Variants in SMOC2 observed in about 807,000 individuals in gnomAD.
SMOC2 encodes SPARC-related modular calcium-binding protein 2.
Under a neutral mutation model 61.4 loss-of-function variants are expected in SMOC2, and 39 were observed. The ratio of observed to expected loss-of-function variants is 0.64; its 90% CI spans 0.49 to 0.83. The LOEUF is 0.83. SMOC2 is among the 40% of genes least tolerant of loss of function. The pLI, the probability that SMOC2 is intolerant of heterozygous loss-of-function variation, is 0.00. For missense variants in SMOC2, 556 were observed against 592.9 expected, an observed-to-expected ratio of 0.94 and a Z score of 0.65; for synonymous variants, 247 against 239.9, an observed-to-expected ratio of 1.03 and a Z score of -0.27.
intron 4 of SMOC2, among the ~76,000 whole-genome samples, chr6:168,539,582 G>A (rs998038713): frequency 3.3e-5 from 5 of 152,204 alleles, no homozygotes; most frequent in Non-Finnish European, 5.9e-5. Flanking sequence ...CTTCCACACC[G>A]GCTCTAGCAG....
chr6:168,497,473 C>T (rs913975258), intron 1 of SMOC2, among the ~76,000 whole-genome samples: 3 of 151,486 alleles, frequency 2.0e-5, no homozygotes, highest in African/African-American at 7.2e-5. Context: ...GTGGTGAATG[C>T]GGATGGAGGT....
chr6:168,559,767 G>T (rs1784353117), intron 7 of SMOC2, among the ~76,000 whole-genome samples: 1 of 152,058 alleles, frequency 6.6e-6, no homozygotes, highest in Admixed American at 6.6e-5. Context: ...TTTATCTCGG[G>T]TGACTAGTAA....
chr6:168,662,376 G>A (rs1436039845), intron 11 of SMOC2, among the ~76,000 whole-genome samples: 1 of 152,224 alleles, frequency 6.6e-6, no homozygotes, highest in Non-Finnish European at 1.5e-5. Flanking sequence ...CAAGGTGCGA[G>A]TGAGTGGAGA....
chr6:168,579,082 G>C (rs1784869482), intron 7 of SMOC2, among the ~76,000 whole-genome samples: 1 of 152,178 alleles, frequency 6.6e-6, no homozygotes, highest in Non-Finnish European at 1.5e-5. Flanking sequence ...GGGGAAACAG[G>C]CTTTAAAAGG....
chr6:168,509,769 G>C (rs1287356154), intron 1 of SMOC2, 146 bp from the exon 2 acceptor site: 3 of 634,190 alleles, frequency 4.7e-6, no homozygotes, highest in African/African-American at 1.8e-5. Context: ...TGCACGTGGC[G>C]CTTCTGGCAG....
chr6:168,647,730 A>C (rs1787076540), intron 9 of SMOC2, among the ~76,000 whole-genome samples: 1 of 152,130 alleles, frequency 6.6e-6, no homozygotes, highest in Admixed American at 6.5e-5. Context: ...ACTTTAACAT[A>C]ATGAAAGTTA....
intron 7 of SMOC2, among the ~76,000 whole-genome samples, chr6:168,567,268 T>A (rs1784567300): frequency 6.6e-6 from 1 of 152,254 alleles, no homozygotes; most frequent in Admixed American, 6.5e-5. Context: ...TTTTTAAATG[T>A]TAAGCATTTT....
intron 11 of SMOC2, among the ~76,000 whole-genome samples, chr6:168,659,539 T>C (rs1787424950): frequency 2.0e-5 from 3 of 151,430 alleles, no homozygotes; most frequent in East Asian, 1.9e-4. Flanking sequence ...AGGATGGAGG[T>C]TGTTGGCTGG....
chr6:168,544,250 C>T lies in SMOC2; in HGVS notation c.511+578C>T, dbSNP rs73041947. On this transcript the variant is annotated intron_variant, in intron 5 of 12. Transcript: ENST00000356284. This position sits in a 1 kb window ranked among gnomAD's most constrained non-coding sequence, Gnocchi z 4.1. Reference sequence around the variant, plus strand: ...TCCATCCTCTTCTCTGCCCTTGCCTCGGCCAACACCCTTCAGTACCAGGAC... The same window carrying T: ...TCCATCCTCTTCTCTGCCCTTGCCTTGGCCAACACCCTTCAGTACCAGGAC... 4.7e-3 allele frequency among the ~76,000 whole-genome samples: 721 copies of T among 152,304 alleles called. 4 individuals are homozygous for T. The highest frequency in any genetic ancestry group is 0.017 in the Middle Eastern group (5 of 294).
intron 1 of SMOC2, among the ~76,000 whole-genome samples, chr6:168,471,964 A>T (rs535938885): frequency 6.6e-6 from 1 of 152,178 alleles, no homozygotes; most frequent in Admixed American, 6.5e-5. Flanking sequence ...TTTCAGATAC[A>T]TGATTTGCAA....
intron 11 of SMOC2, among the ~76,000 whole-genome samples, chr6:168,662,415 G>A (rs915966942): frequency 3.3e-5 from 5 of 152,290 alleles, no homozygotes; most frequent in South Asian, 2.1e-4. Flanking sequence ...ACCAAGGGCC[G>A]TCGGGTGGAG....
At chr6:168,616,891 C>CG (rs972248648) in intron 9 of SMOC2, among the ~76,000 whole-genome samples, 3 of 152,208 alleles carry the variant, frequency 2.0e-5, no homozygotes, top group Non-Finnish European at 2.9e-5. Context: ...CGCTGCACTG[C>CG]GGGGGGGTTG....
At chr6:168,647,048 T>G (rs905603079) in intron 9 of SMOC2, among the ~76,000 whole-genome samples, 1 of 152,222 alleles carries the variant, frequency 6.6e-6, no homozygotes, top group African/African-American at 2.4e-5. Flanking sequence ...GTGTGGACTT[T>G]GAGAGGGCCT....
At chr6:168,449,698 G>A (rs1781416971) in intron 1 of SMOC2, among the ~76,000 whole-genome samples, 2 of 152,138 alleles carry the variant, frequency 1.3e-5, no homozygotes, top group African/African-American at 4.8e-5. Context: ...CCATTCTTTG[G>A]CATTAAGATT....
In SMOC2 at chr6:168,515,434, C is replaced by T. The variant is rs1231240977; in HGVS notation, c.256+5348C>T. ...GTCTAGATTTGGATGTGGGGCTGGGCTCGGAGAGGCTCCGTCCGCTTTCCG... is the reference window on the plus strand; with the variant it reads ...GTCTAGATTTGGATGTGGGGCTGGGTTCGGAGAGGCTCCGTCCGCTTTCCG... On this transcript the variant is annotated intron_variant, in intron 2 of 12. Coordinates refer to ENST00000356284, the MANE Select transcript of SMOC2 (RefSeq NM_001166412.2). 1.7e-5 allele frequency among the ~76,000 whole-genome samples: 2 copies of T among 116,252 alleles called. 1 individual carries two copies. 76.3% of individuals were successfully genotyped at this position (116,252 alleles called of 152,430 possible).
intron 9 of SMOC2, among the ~76,000 whole-genome samples, chr6:168,641,523 A>T (rs1471764671): frequency 4.6e-5 from 7 of 152,240 alleles, no homozygotes; most frequent in Non-Finnish European, 7.3e-5. Context: ...AGAAACACAC[A>T]CGTTGGTCTT....
chr6:168,498,965 G>T (rs1267614378), intron 1 of SMOC2, among the ~76,000 whole-genome samples: 1 of 142,562 alleles, frequency 7.0e-6, no homozygotes, highest in African/African-American at 2.7e-5. Flanking sequence ...CACAGTCTCT[G>T]GGGGGACAGC....
chr6:168,532,747 T>A (rs1783639795), intron 4 of SMOC2, among the ~76,000 whole-genome samples: 2 of 152,166 alleles, frequency 1.3e-5, no homozygotes, highest in African/African-American at 4.8e-5. Flanking sequence ...CTACAGGTTT[T>A]GAGTTACAGA....
At chr6:168,665,801 C>A (rs1370421563) in intron 12 of SMOC2, among the ~76,000 whole-genome samples, 1 of 152,022 alleles carries the variant, frequency 6.6e-6, no homozygotes, top group Admixed American at 6.6e-5. Flanking sequence ...ACCCAGAAAC[C>A]TAAACTTTAA....
Sources: allele counts gnomAD v4.1 joint callset (sites outside exome capture counted in the v4.1 genomes callset), GRCh38; gene constraint gnomAD v4.1.1; non-coding constraint Gnocchi (gnomAD v3.1); transcripts MANE v1.5; gene names NCBI Gene and HGNC (gene_info 2026-07-23, HGNC 2026-07-21).